Variants in PREP observed in about 807,000 individuals in gnomAD.
PREP encodes the protein prolyl endopeptidase, also known as dJ355L5.1 (prolyl endopeptidase).
A neutral mutation model predicts 87.6 loss-of-function variants in PREP; 29 were observed. That is an observed-to-expected ratio of 0.33 (90% CI 0.25 to 0.45). The LOEUF is 0.45. Ranked by LOEUF, PREP falls within the 20% of genes least tolerant of loss-of-function variation. The probability of loss-of-function intolerance (pLI) is 1.00; values close to 1 mark genes in which losing one functional copy is unlikely to be tolerated. For missense variants in PREP, 695 were observed against 886.5 expected, an observed-to-expected ratio of 0.78 and a Z score of 2.74; for synonymous variants, 337 against 328.6, an observed-to-expected ratio of 1.03 and a Z score of -0.28.
intron 11 of PREP, among the ~76,000 whole-genome samples, chr6:105,286,143 C>T (rs1770185339): frequency 2.0e-5 from 3 of 152,198 alleles, no homozygotes; most frequent in Admixed American, 2.0e-4. Flanking sequence ...TTCACTACAC[C>T]ATTCATAATA....
At chr6:105,295,138 A>T (rs1770380929) in intron 10 of PREP, among the ~76,000 whole-genome samples, 2 of 147,422 alleles carry the variant, frequency 1.4e-5, no homozygotes, top group South Asian at 4.4e-4. Flanking sequence ...TCAATTCAAG[A>T]GTAGTTTCCA....
At position 105,277,954 on chromosome 6, in the gene PREP, C is replaced by T. The variant is rs1769981861; in HGVS notation, c.*190G>A. On this transcript the variant is annotated 3_prime_UTR_variant, in exon 15 of 15. Coordinates refer to ENST00000652536, the MANE Select transcript of PREP (RefSeq NM_002726.5). ...TGCCTAGACAGGGTGGAAAAAGAAA[C>T]ACCAAGGCCTTGCTAAAAAGGAGAA... The T allele has an allele frequency of 8.5e-6, 7 of 819,788 alleles. No individual in the cohort carries two copies. The highest frequency in any genetic ancestry group is 1.3e-5 in the Non-Finnish European group (7 of 524,460). The allele number at this position is 819,788 out of a possible 1,614,324, so 50.8% of individuals were successfully genotyped here.
chr6:105,390,403 G>A (rs1773109488), intron 2 of PREP, among the ~76,000 whole-genome samples: 1 of 152,210 alleles, frequency 6.6e-6, no homozygotes. Context: ...GGTCTGTGAA[G>A]GAAATGGAGT....
At chr6:105,330,496 G>A (rs1307309803) in intron 8 of PREP, among the ~76,000 whole-genome samples, 2 of 152,188 alleles carry the variant, frequency 1.3e-5, no homozygotes, top group Admixed American at 6.5e-5. Flanking sequence ...AGAGCTGGGA[G>A]AGCAGGAGTG....
chr6:105,322,312 A>C, intron 10 of PREP: 2 of 916,342 alleles, frequency 2.2e-6, no homozygotes, highest in Non-Finnish European at 1.3e-6. Context: ...AAAAAAATAG[A>C]TTATATTCTA....
intron 10 of PREP, among the ~76,000 whole-genome samples, chr6:105,310,070 C>A (rs761487711): frequency 2.6e-5 from 4 of 152,002 alleles, no homozygotes; most frequent in Non-Finnish European, 5.9e-5. Flanking sequence ...GTTTTCTTAG[C>A]ACAGCTGTAC....
chr6:105,397,868 G>A lies in PREP; in HGVS notation c.105C>T (p.Asp35=). 6.2e-7 allele frequency: 1 copy of A among 1,611,026 alleles called. No homozygotes were observed. Among genetic ancestry groups the A allele is most frequent in the Non-Finnish European group, 8.5e-7 (1 of 1,177,196 alleles). ...CDPYAWLEDP[D]SEQTKAFVEA... is the part of the protein sequence containing the mutation. ...ACCAAATTACCTTAGTCTGTTCACT[G>A]TCGGGGTCTTCAAGCCAGGCGTAAG... The change falls in exon 2 of 15, where the codon GAC becomes GAT. Residue 35 remains aspartate, a synonymous_variant. Transcript: ENST00000652536.
At chr6:105,352,940 A>G in intron 7 of PREP, 32 bp downstream of exon 7, 3 of 1,544,678 alleles carry the variant, frequency 1.9e-6, no homozygotes. Context: ...AGTTTCTTGG[A>G]ATAACTATCT....
At chr6:105,325,199 G>GA (rs1442561588) in intron 9 of PREP, among the ~76,000 whole-genome samples, 2 of 151,966 alleles carry the variant, frequency 1.3e-5, no homozygotes, top group Non-Finnish European at 2.9e-5. Flanking sequence ...GTGAATCCTT[G>GA]AAAAAAAGTA....
intron 10 of PREP, among the ~76,000 whole-genome samples, chr6:105,297,444 C>A (rs932396989): frequency 6.6e-6 from 1 of 152,190 alleles, no homozygotes; most frequent in Non-Finnish European, 1.5e-5. Flanking sequence ...CTTAAATGCA[C>A]GTGTTGTTTC....
At chr6:105,354,850 CCTGA>C (rs1328610829) in intron 6 of PREP, among the ~76,000 whole-genome samples, 2 of 151,974 alleles carry the variant, frequency 1.3e-5, no homozygotes, top group East Asian at 1.9e-4. Context: ...TCTAGTAAAC[CCTGA>C]CTAATAGCTG....
Position 105,294,194 on chromosome 6 carries a change from T to G in PREP, c.1318-5300A>C, listed in dbSNP as rs76973069. Among the ~76,000 whole-genome samples the G allele has an allele frequency of 9.9e-3, 1,506 of 152,242 alleles. 14 individuals carry two copies. The highest frequency in any genetic ancestry group is 0.015 in the South Asian group (73 of 4,826). ...TGTGAAGAAACTGTTAAAAATACAG[T>G]TTTCCAGGCTTTATCCCCAGAGATT... On this transcript the variant is annotated intron_variant, in intron 10 of 14. Transcript: ENST00000652536.
At chr6:105,387,682 C>A (rs547087527) in intron 2 of PREP, among the ~76,000 whole-genome samples, 1 of 151,690 alleles carries the variant, frequency 6.6e-6, no homozygotes, top group Non-Finnish European at 1.5e-5. Flanking sequence ...AAAAAAATCT[C>A]ATAATGTTTT....
At chr6:105,338,723 G>A (rs1771543152) in intron 7 of PREP, among the ~76,000 whole-genome samples, 1 of 152,182 alleles carries the variant, frequency 6.6e-6, no homozygotes, top group Non-Finnish European at 1.5e-5. Context: ...TTAGCAAATG[G>A]CACACCAGGA....
In PREP at chr6:105,325,094, T is replaced by TA. The variant is rs143840375; in HGVS notation, c.1214-1327dup. Among the ~76,000 whole-genome samples, 1,713 of 152,276 alleles carry TA rather than the reference T, an allele frequency of 0.011. 111 individuals carry two copies. In the East Asian group the frequency reaches 0.17, roughly 15 times the overall value. On this transcript the variant is annotated intron_variant, in intron 9 of 14. Coordinates refer to ENST00000652536, the MANE Select transcript of PREP (RefSeq NM_002726.5). ...AATACTGTACTTGCCTAAATAAATG[T>TA]AATCTTGGGGTAAAAGGCTATCTCT...
chr6:105,287,584 C>T (rs1463699765), intron 11 of PREP, among the ~76,000 whole-genome samples: 16 of 152,198 alleles, frequency 1.1e-4, no homozygotes. Context: ...TGAGCTTCTA[C>T]AGATATTGAG....
chr6:105,303,707 A>G (rs1770594495), intron 10 of PREP, among the ~76,000 whole-genome samples: 1 of 152,244 alleles, frequency 6.6e-6, no homozygotes, highest in Non-Finnish European at 1.5e-5. Context: ...CCTCTCTGTT[A>G]GAAAGTTATT....
At chr6:105,302,677 A>G in intron 10 of PREP, 1 of 485,348 alleles carries the variant, frequency 2.1e-6, no homozygotes, top group Non-Finnish European at 4.0e-6. Context: ...GGAATTGTGG[A>G]TGACACGGAT....
Position 105,377,445 on chromosome 6 carries a change from C to T in PREP, c.195G>A (p.Glu65=). 1 of 1,613,702 alleles carries T rather than the reference C, an allele frequency of 6.2e-7. No homozygotes were observed. The highest frequency in any genetic ancestry group is 1.1e-5 in the South Asian group (1 of 91,064). ...EQCPIRGLYK[E]RMTELYDYPK... ...GATAATCATATAGTTCAGTCATTCT[C>T]TCTTTGTATAAACCTCTGATGGGAC... Residue 65 remains glutamate (E), a synonymous_variant, in exon 3 of 15, where the codon GAG becomes GAA. Transcript: ENST00000652536.
Sources: gnomAD v4.1 joint callset for allele counts (sites outside exome capture counted in the v4.1 genomes callset) on GRCh38, gnomAD v4.1.1 for gene constraint, MANE v1.5 for transcripts, NCBI Gene and HGNC (gene_info 2026-07-23, HGNC 2026-07-21) for gene names.